The following RRH variants were observed in gnomAD, a reference collection of about 807,000 sequenced individuals.
RRH encodes the protein visual pigment-like receptor peropsin.
Under a neutral mutation model 33.1 loss-of-function variants are expected in RRH, and 36 were observed. That is an observed-to-expected ratio of 1.09 (90% CI 0.83 to 1.44). RRH has a LOEUF of 1.44. Among genes scored for constraint, RRH ranks in the 40% most tolerant of loss-of-function variants. RRH has a pLI of 0.00. For missense variants in RRH, 393 were observed against 420.2 expected (o/e 0.94, Z 0.57); for synonymous variants, 124 against 140.2 (o/e 0.88, Z 0.82).
At chr4:109,828,691 C>G (rs1359205292) in intron 1 of RRH, among the ~76,000 whole-genome samples, 2 of 151,740 alleles carry the variant, frequency 1.3e-5, no homozygotes, top group East Asian at 3.9e-4. Flanking sequence ...TCAGCTTGTT[C>G]CAGAATGCTT....
intron 2 of RRH, among the ~76,000 whole-genome samples, chr4:109,833,645 C>T (rs1733811191): frequency 6.6e-6 from 1 of 152,004 alleles, no homozygotes; most frequent in African/African-American, 2.4e-5. Flanking sequence ...AAAAAAATAA[C>T]CTGCTTTCAT....
chr4:109,828,820 T>C (rs1404275471), intron 1 of RRH, among the ~76,000 whole-genome samples: 1 of 152,134 alleles, frequency 6.6e-6, no homozygotes, highest in South Asian at 2.1e-4. Flanking sequence ...GAATAAGTTA[T>C]CTGTCATGAT....
chr4:109,835,057 C>T (rs1293802339), intron 2 of RRH, among the ~76,000 whole-genome samples: 2 of 152,060 alleles, frequency 1.3e-5, no homozygotes, highest in Non-Finnish European at 2.9e-5. Context: ...GTTGAATTAC[C>T]CATCTTCTGA....
chr4:109,835,917 C>T, intron 3 of RRH, 90 bp from the exon 4 acceptor site: 1 of 1,503,312 alleles, frequency 6.7e-7, no homozygotes, highest in South Asian at 1.1e-5. Context: ...TGTAAAGAAT[C>T]TACTTGATAA....
At position 109,844,269 on chromosome 4, in the gene RRH, AT is replaced by A; in HGVS notation, c.*75del. The A allele has an allele frequency of 2.1e-6, 2 of 933,764 alleles. No homozygotes were observed. The highest frequency in any genetic ancestry group is 3.5e-6 in the Non-Finnish European group (2 of 571,754). 57.8% of individuals were successfully genotyped at this position (933,764 alleles called of 1,614,324 possible). A position where few individuals can be genotyped will look rare whatever the true frequency, so the allele number is the denominator to read the frequency against. ...ATGCTTTTCTTTTAAATATGAGCCC[AT>A]TTAGATCAAGTGCAGACATGGATCA... On this transcript the variant is annotated 3_prime_UTR_variant, in exon 7 of 7. Coordinates refer to ENST00000317735, the MANE Select transcript of RRH (RefSeq NM_006583.5).
At chr4:109,831,730 C>T (rs1392324636) in intron 1 of RRH, among the ~76,000 whole-genome samples, 1 of 152,012 alleles carries the variant, frequency 6.6e-6, no homozygotes, top group Admixed American at 6.6e-5. Flanking sequence ...AAATTTGCTT[C>T]TAGAGAGTGA....
At chr4:109,832,870 A>T (rs1733788459) in intron 1 of RRH, among the ~76,000 whole-genome samples, 1 of 152,202 alleles carries the variant, frequency 6.6e-6, no homozygotes, top group Non-Finnish European at 1.5e-5. Flanking sequence ...TTTCAAGGAC[A>T]GAACACTCAA....
intron 4 of RRH, among the ~76,000 whole-genome samples, chr4:109,836,572 C>T (rs1057209807): frequency 1.3e-5 from 2 of 152,182 alleles, no homozygotes; most frequent in African/African-American, 4.8e-5. Context: ...TCTGGTGTTC[C>T]AGCACATTCT....
At chr4:109,842,412 A>G (rs1409522596) in intron 5 of RRH, 57 bp from the exon 6 acceptor site, 3 of 1,447,748 alleles carry the variant, frequency 2.1e-6, no homozygotes, top group Non-Finnish European at 2.9e-6. Flanking sequence ...AACTTTAGAT[A>G]TATTAATATT....
chr4:109,834,150 C>T (rs573402608), intron 2 of RRH, among the ~76,000 whole-genome samples: 118 of 152,036 alleles, frequency 7.8e-4, no homozygotes, highest in African/African-American at 2.6e-3. Flanking sequence ...TTGCATTATG[C>T]GATTTCCTTT....
intron 2 of RRH, among the ~76,000 whole-genome samples, chr4:109,834,128 A>G (rs1446926659): frequency 6.6e-6 from 1 of 152,192 alleles, no homozygotes; most frequent in Admixed American, 6.5e-5. Flanking sequence ...TGTGTAAATG[A>G]TATCATATTG....
intron 4 of RRH, among the ~76,000 whole-genome samples, chr4:109,836,789 T>TA (rs1733892715): frequency 6.6e-6 from 1 of 150,686 alleles, no homozygotes; most frequent in Non-Finnish European, 1.5e-5. Context: ...GCACAGTGGT[T>TA]CATGCCTGTA....
At chr4:109,829,820 T>G (rs1733712366) in intron 1 of RRH, among the ~76,000 whole-genome samples, 1 of 152,108 alleles carries the variant, frequency 6.6e-6, no homozygotes, top group South Asian at 2.1e-4. Context: ...TGAGTGTGTG[T>G]TGTTTGTGTT....
chr4:109,833,149 T>G lies in RRH; in HGVS notation c.117T>G (p.Ser39Arg). Residue 39 changes from serine to arginine, a missense_variant, in exon 2 of 7, where the codon AGT becomes AGG. By Grantham distance (110) the Ser-to-Arg change is moderately radical. Coordinates refer to ENST00000317735, the MANE Select transcript of RRH (RefSeq NM_006583.5). ...ATYLIMAGMI[S>R]IISNIIVLGI... ...TGTGTGTGTTCTCAGGTATGATAAG[T>G]ATTATCAGCAACATAATAGTTCTGG... 6.2e-7 allele frequency: 1 copy of G among 1,612,364 alleles called. No individual in the cohort carries two copies. Among genetic ancestry groups the G allele is most frequent in the East Asian group, 2.2e-5 (1 of 44,860 alleles).
rs1321038110 is a variant in RRH, at chr4:109,828,063, TAAA to T, written c.39_41del (p.Lys13del). 7 of 1,612,848 alleles carry T rather than the reference TAAA, an allele frequency of 4.3e-6. No homozygotes were observed. The highest frequency in any genetic ancestry group is 5.9e-6 in the Non-Finnish European group (7 of 1,178,964). ...ATAATTTAGGCAACAGTTCAGACTC[TAAA>T]AATGAAGATGGCTCGGTCTTTTCAC... On this transcript the variant is annotated inframe_deletion, in exon 1 of 7. Transcript: ENST00000317735.
intron 5 of RRH, among the ~76,000 whole-genome samples, chr4:109,841,790 T>G (rs182680609): frequency 1.3e-5 from 2 of 152,218 alleles, no homozygotes; most frequent in Admixed American, 6.5e-5. Flanking sequence ...TTCTCTGTCC[T>G]TATGGTTTTA....
Position 109,842,451 on chromosome 4 carries a change from ATATT to A in RRH, c.721-12_721-9del. 3 of 1,611,936 alleles carry A rather than the reference ATATT, an allele frequency of 1.9e-6. No individual in the cohort carries two copies. The highest frequency in any genetic ancestry group is 2.5e-6 in the Non-Finnish European group (3 of 1,178,170). On this transcript the variant is annotated splice_polypyrimidine_tract_variant and intron_variant, in intron 5 of 6. Transcript: ENST00000317735. The stretch of plus-strand genomic sequence containing the variant: ...ATATTTTAGGTATTGGGCTTGGTGA[ATATT>A]TATTTCTTTTCAGATGTCTGTGATC...
chr4:109,835,247 A>T (rs1733854347), intron 2 of RRH, 119 bp from the exon 3 acceptor site: 2 of 704,636 alleles, frequency 2.8e-6, no homozygotes, highest in African/African-American at 3.6e-5. Flanking sequence ...GATGTATTTT[A>T]AAGTAGTAAA....
intron 1 of RRH, among the ~76,000 whole-genome samples, chr4:109,828,684 G>C (rs965937117): frequency 6.6e-6 from 1 of 152,016 alleles, no homozygotes; most frequent in Non-Finnish European, 1.5e-5. Flanking sequence ...TGAAAATTCA[G>C]CTTGTTCCAG....
Sources: gnomAD v4.1 joint callset for allele counts (sites outside exome capture counted in the v4.1 genomes callset) on GRCh38, gnomAD v4.1.1 for gene constraint, MANE v1.5 for transcripts, NCBI Gene and HGNC (gene_info 2026-07-23, HGNC 2026-07-21) for gene names.